RAB23: variants seen among roughly 807,000 people sequenced by gnomAD.
The protein encoded by RAB23 is ras-related protein Rab-23.
RAB23 carries 15 observed loss-of-function variants against 30.0 expected under a neutral mutation model. The ratio of observed to expected loss-of-function variants is 0.50; its 90% CI spans 0.33 to 0.77. The LOEUF (loss-of-function observed/expected upper bound fraction) is 0.77, where lower values mean the gene tolerates loss of function less well. RAB23 is among the 30% of genes least tolerant of loss of function. RAB23 has a pLI of 0.02. For synonymous variants in RAB23, 93 were observed against 94.0 expected, an observed-to-expected ratio of 0.99 and a Z score of 0.06; for missense variants, 243 against 275.4, an observed-to-expected ratio of 0.88 and a Z score of 0.83.
At chr6:57,196,418 T>A (rs760434111) in intron 4 of RAB23, 32 bp downstream of exon 4, 2 of 1,612,448 alleles carry the variant, frequency 1.2e-6, no homozygotes, top group Non-Finnish European at 1.7e-6. Flanking sequence ...ATAGAATTAC[T>A]GTCCCTCCTT....
intron 6 of RAB23, among the ~76,000 whole-genome samples, chr6:57,191,940 G>A (rs1249100299): frequency 1.3e-5 from 2 of 152,000 alleles, no homozygotes; most frequent in Admixed American, 6.6e-5. Flanking sequence ...TTTAACTCCT[G>A]GGCTCCAGCA....
intron 3 of RAB23, among the ~76,000 whole-genome samples, chr6:57,202,122 A>T (rs1765290779): frequency 6.6e-6 from 1 of 152,208 alleles, no homozygotes; most frequent in African/African-American, 2.4e-5. Flanking sequence ...CTAGGATTTA[A>T]ATCAGCAAGT....
intron 1 of RAB23, among the ~76,000 whole-genome samples, chr6:57,212,756 G>A (rs947022332): frequency 7.9e-5 from 12 of 151,670 alleles, no homozygotes; most frequent in African/African-American, 2.9e-4. Context: ...GCATGGTGGC[G>A]TGAGCCTGTA....
chr6:57,199,292 G>A (rs894232705), intron 3 of RAB23, among the ~76,000 whole-genome samples: 3 of 152,184 alleles, frequency 2.0e-5, no homozygotes, highest in African/African-American at 4.8e-5. Context: ...CCCTTTGGTG[G>A]GCTCCTGAGG....
At chr6:57,193,401 T>G (rs560772127) in intron 6 of RAB23, among the ~76,000 whole-genome samples, 1 of 152,314 alleles carries the variant, frequency 6.6e-6, no homozygotes, top group South Asian at 2.1e-4. Flanking sequence ...GAGAGACATC[T>G]GGTCAGGCAG....
chr6:57,210,124 C>T, intron 2 of RAB23, 102 bp downstream of exon 2: 1 of 1,295,286 alleles, frequency 7.7e-7, no homozygotes, highest in Non-Finnish European at 1.1e-6. Flanking sequence ...CCACTAGTTG[C>T]CACACCTCGA....
chr6:57,205,026 ATGTATATG>A (rs1489202906), intron 3 of RAB23, among the ~76,000 whole-genome samples: 1 of 151,434 alleles, frequency 6.6e-6, no homozygotes, highest in African/African-American at 2.4e-5. Flanking sequence ...ACATACATAT[ATGTATATG>A]TGTATATATA....
chr6:57,201,231 C>T (rs372407057), intron 3 of RAB23, among the ~76,000 whole-genome samples: 1 of 152,066 alleles, frequency 6.6e-6, no homozygotes, highest in African/African-American at 2.4e-5. Flanking sequence ...CAGGCGCCCA[C>T]CACCATGCCC....
intron 1 of RAB23, among the ~76,000 whole-genome samples, chr6:57,211,933 C>T (rs555990253): frequency 6.6e-6 from 1 of 152,314 alleles, no homozygotes; most frequent in East Asian, 1.9e-4. Flanking sequence ...GTGAACATTC[C>T]TTTCTTTGTC....
chr6:57,209,795 A>C (rs191937520), intron 2 of RAB23, among the ~76,000 whole-genome samples: 1 of 152,344 alleles, frequency 6.6e-6, no homozygotes, highest in African/African-American at 2.4e-5. Flanking sequence ...TTTAGAGTAA[A>C]GCAAACTATT....
At chr6:57,202,514 C>A (rs1765306516) in intron 3 of RAB23, among the ~76,000 whole-genome samples, 1 of 152,130 alleles carries the variant, frequency 6.6e-6, no homozygotes, top group Non-Finnish European at 1.5e-5. Context: ...ACCCTCTCTC[C>A]CCAAGGATGT....
Position 57,188,074 on chromosome 6 carries a change from T to G in RAB23, c.*2387A>C, listed in dbSNP as rs1180483351. Reference sequence around the variant, plus strand: ...CTACGCAAAAGATTAGCCGTAATGTTAAAAAAGTAGATTAGAGCACAAATG... The same window carrying G: ...CTACGCAAAAGATTAGCCGTAATGTGAAAAAAGTAGATTAGAGCACAAATG... On this transcript the variant is annotated 3_prime_UTR_variant, in exon 7 of 7. Transcript: ENST00000468148. The G allele has an allele frequency of 6.6e-6, 1 of 152,176 alleles. No individual in the cohort carries two copies. Among genetic ancestry groups the G allele is most frequent in the Non-Finnish European group, 1.5e-5 (1 of 68,020 alleles). 9.4% of individuals were successfully genotyped at this position (152,176 alleles called of 1,614,324 possible).
rs1262256035 is a variant in RAB23 at position 57,207,639 on chromosome 6, G to C, written c.230C>G (p.Ala77Gly). ...ATCCTGTGTTTTACCTCGATAGTAG[G>C]CCTTTGTAATTGCATCAAATTCCTC... ...GQEEFDAITK[A>G]YYRGAQACVL... The change falls in exon 3 of 7, where the codon GCC becomes GGC. Residue 77 changes from alanine to glycine, a missense_variant. Coordinates refer to ENST00000468148, the MANE Select transcript of RAB23 (RefSeq NM_016277.5). The C allele has an allele frequency of 6.3e-7, 1 of 1,593,736 alleles. No homozygotes were observed. The highest frequency in any genetic ancestry group is 1.1e-5 in the South Asian group (1 of 90,594).
chr6:57,206,507 G>T (rs1765459841), intron 3 of RAB23, among the ~76,000 whole-genome samples: 2 of 152,182 alleles, frequency 1.3e-5, no homozygotes, highest in Admixed American at 6.5e-5. Flanking sequence ...AACTGAGTCA[G>T]ATGCCACTGT....
chr6:57,210,665 A>G (rs1765619625), intron 1 of RAB23, among the ~76,000 whole-genome samples: 1 of 152,222 alleles, frequency 6.6e-6, no homozygotes, highest in African/African-American at 2.4e-5. Flanking sequence ...ACATTCATAT[A>G]TCAATAAATA....
chr6:57,200,550 A>T (rs914846497), intron 3 of RAB23, among the ~76,000 whole-genome samples: 3 of 151,528 alleles, frequency 2.0e-5, no homozygotes, highest in African/African-American at 7.3e-5. Flanking sequence ...AAAAAAAAAA[A>T]AAAAAAAAGA....
At chr6:57,216,027 C>T (rs1765821037) in intron 1 of RAB23, among the ~76,000 whole-genome samples, 2 of 152,118 alleles carry the variant, frequency 1.3e-5, no homozygotes, top group East Asian at 3.9e-4. Flanking sequence ...TAACAGTGGT[C>T]CTTTAAAATT....
chr6:57,210,449 T>A lies in RAB23; in HGVS notation c.-65-4A>T. 2 of 1,473,344 alleles carry A rather than the reference T, an allele frequency of 1.4e-6. No individual in the cohort carries two copies. Among genetic ancestry groups the A allele is most frequent in the Non-Finnish European group, 1.9e-6 (2 of 1,057,668 alleles). 91.3% of individuals were successfully genotyped at this position (1,473,344 alleles called of 1,614,324 possible). ...GATCAGATCTTCCCTCTCAAATCTG[T>A]GGTTTAAAATGAAATTATTTTTTCA... On this transcript the variant is annotated splice_region_variant and splice_polypyrimidine_tract_variant and intron_variant, in intron 1 of 6. Transcript: ENST00000468148.
chr6:57,201,949 G>A (rs754637725), intron 3 of RAB23, among the ~76,000 whole-genome samples: 2 of 152,182 alleles, frequency 1.3e-5, no homozygotes, highest in East Asian at 1.9e-4. Context: ...AGAAGGTCTT[G>A]TTTCAACATC....
Sources: gnomAD v4.1 joint callset for allele counts (sites outside exome capture counted in the v4.1 genomes callset) on GRCh38, gnomAD v4.1.1 for gene constraint, MANE v1.5 for transcripts, NCBI Gene and HGNC (gene_info 2026-07-23, HGNC 2026-07-21) for gene names.